The following ADGRG6 variants were observed in gnomAD, a reference collection of about 807,000 sequenced individuals.
ADGRG6 encodes G-protein coupled receptor 126.
ADGRG6 carries 84 observed loss-of-function variants against 142.4 expected under a neutral mutation model. The observed-to-expected ratio is 0.59, with a 90% CI of 0.49 to 0.71. The LOEUF (loss-of-function observed/expected upper bound fraction) is 0.71. Ranked by LOEUF, ADGRG6 falls within the 30% of genes least tolerant of loss-of-function variation. The pLI is 0.00. For synonymous variants in ADGRG6, 521 were observed against 520.5 expected (o/e 1.00, Z -0.01); for missense variants, 1,367 against 1,466.6 (o/e 0.93, Z 1.11).
At position 142,369,207 on chromosome 6, in the gene ADGRG6, CTATTA is replaced by C. The variant is rs373631224; in HGVS notation, c.446-957_446-953del. 3.2e-4 allele frequency among the ~76,000 whole-genome samples: 49 copies of C among 152,148 alleles called. No individual in the cohort carries two copies. In the South Asian group the frequency reaches 5.2e-3, roughly 16 times the overall value. On this transcript the variant is annotated intron_variant, in intron 3 of 24. Coordinates refer to ENST00000367609, the MANE Select transcript of ADGRG6 (RefSeq NM_198569.3). ...CTTTCTCAAATTAGTTTCACAATGG[CTATTA>C]TATTAGCATAGGGCTAAATCTGTTG...
chr6:142,380,347 A>G (rs912492321), intron 4 of ADGRG6, among the ~76,000 whole-genome samples: 3 of 152,090 alleles, frequency 2.0e-5, no homozygotes, highest in Admixed American at 2.0e-4. Context: ...GGAGGAGTCC[A>G]TTCAGATGGT....
In ADGRG6 at chr6:142,397,619, G is replaced by A. The variant is rs1240730891; in HGVS notation, c.1431G>A (p.Val477=). ...ATCCGAAATGTTTCCCTAGGTTGGT[G>A]CTTTGGGCCCTTCTAGTTTACAATG... is the stretch of plus-strand genomic sequence containing the variant. ...KRSLEDEPRL[V]LWALLVYNAT... The change falls in exon 10 of 25, where the codon GTG becomes GTA. Residue 477 remains valine, a synonymous_variant. Coordinates refer to ENST00000367609, the MANE Select transcript of ADGRG6 (RefSeq NM_198569.3). 5.6e-6 allele frequency: 9 copies of A among 1,608,494 alleles called. No homozygotes were observed.
intron 8 of ADGRG6, among the ~76,000 whole-genome samples, chr6:142,393,672 C>T (rs747369376): frequency 1.5e-4 from 23 of 152,216 alleles, no homozygotes; most frequent in East Asian, 5.8e-4. Context: ...TTTATCAGAA[C>T]GTCTCAGTTT....
intron 2 of ADGRG6, among the ~76,000 whole-genome samples, chr6:142,331,296 C>T (rs1779047455): frequency 6.6e-6 from 1 of 152,044 alleles, no homozygotes; most frequent in African/African-American, 2.4e-5. Context: ...CTTATGGCTC[C>T]TTTAAAGTGT....
intron 2 of ADGRG6, among the ~76,000 whole-genome samples, chr6:142,357,810 AC>A (rs1413037531): frequency 2.6e-5 from 4 of 152,220 alleles, no homozygotes; most frequent in African/African-American, 9.6e-5. Context: ...CCCTCTGGTG[AC>A]CATATGTAAA....
intron 2 of ADGRG6, among the ~76,000 whole-genome samples, chr6:142,340,661 T>C (rs572452076): frequency 6.6e-6 from 1 of 152,236 alleles, no homozygotes; most frequent in Non-Finnish European, 1.5e-5. Context: ...TGAAGTCCTT[T>C]GAATAGTACA....
intron 2 of ADGRG6, among the ~76,000 whole-genome samples, chr6:142,345,746 A>G (rs1779869086): frequency 6.6e-6 from 1 of 152,164 alleles, no homozygotes; most frequent in African/African-American, 2.4e-5. Context: ...AAGTATAACC[A>G]GTTGAAAAGG....
At chr6:142,352,979 AC>A (rs1780262587) in intron 2 of ADGRG6, among the ~76,000 whole-genome samples, 1 of 152,136 alleles carries the variant, frequency 6.6e-6, no homozygotes, top group Non-Finnish European at 1.5e-5. Flanking sequence ...CTCTCTCTCC[AC>A]CAAAAACAAA....
In ADGRG6 at chr6:142,443,210, A is replaced by G. The variant is rs531810502; in HGVS notation, c.3575-127A>G. ...TTTAGTGTTGCCTATTACCTAATAT[A>G]AGAAAGAATCGGAGCTTTATTTTCT... On this transcript the variant is annotated intron_variant, in intron 24 of 24. Coordinates refer to ENST00000367609, the MANE Select transcript of ADGRG6 (RefSeq NM_198569.3). 50 of 601,506 alleles carry G rather than the reference A, an allele frequency of 8.3e-5. No homozygotes were observed. In the East Asian group the frequency reaches 1.4e-3, roughly 17 times the overall value. 37.3% of individuals were successfully genotyped at this position (601,506 alleles called of 1,614,324 possible).
intron 6 of ADGRG6, among the ~76,000 whole-genome samples, chr6:142,384,684 A>C (rs558168577): frequency 2.6e-5 from 4 of 152,308 alleles, no homozygotes; most frequent in South Asian, 4.1e-4. Context: ...GGAATTTTCT[A>C]AACTCCAGTC....
chr6:142,373,664 T>A (rs758848660), intron 4 of ADGRG6, among the ~76,000 whole-genome samples: 1 of 152,234 alleles, frequency 6.6e-6, no homozygotes, highest in East Asian at 1.9e-4. Context: ...TCAGCTCTCC[T>A]GAGTAGGTAG....
chr6:142,368,843 G>A (rs67116010), intron 3 of ADGRG6, among the ~76,000 whole-genome samples: 3,587 of 152,060 alleles, frequency 0.024, 62 homozygotes, highest in Non-Finnish European at 0.035. Context: ...AACAAAAAAA[G>A]CAAATTAGAA....
At chr6:142,344,026 C>T (rs1403445223) in intron 2 of ADGRG6, among the ~76,000 whole-genome samples, 2 of 151,924 alleles carry the variant, frequency 1.3e-5, no homozygotes, top group Non-Finnish European at 2.9e-5. Context: ...ACAACAGTTA[C>T]AGTTCCTACT....
chr6:142,315,936 C>T (rs932724042), intron 2 of ADGRG6, among the ~76,000 whole-genome samples: 5 of 152,044 alleles, frequency 3.3e-5, no homozygotes, highest in African/African-American at 1.2e-4. Context: ...TAACCATCTC[C>T]TGTGAAAAAA....
At position 142,400,515 on chromosome 6, in the gene ADGRG6, GCTA is replaced by G; in HGVS notation, c.1604_1606del (p.Tyr535del). The stretch of plus-strand genomic sequence containing the variant: ...TGTCTTGCCATGGAGGAACCCAAAG[GCTA>G]CTACTGGCCATCTATCCAACCTTCT... On this transcript the variant is annotated inframe_deletion, in exon 11 of 25. Transcript: ENST00000367609. 1 of 1,594,624 alleles carries G rather than the reference GCTA, an allele frequency of 6.3e-7. No individual in the cohort carries two copies. The highest frequency in any genetic ancestry group is 8.6e-7 in the Non-Finnish European group (1 of 1,162,876).
At position 142,364,478 on chromosome 6, in the gene ADGRG6, T is replaced by C. The variant is rs115936608; in HGVS notation, c.104-3091T>C. On this transcript the variant is annotated intron_variant, in intron 2 of 24. Transcript: ENST00000367609. The stretch of plus-strand genomic sequence containing the variant: ...GTGTGCTATTTTACCTCTCTTAAAA[T>C]TTTAAGGCACTAATTTTGTGTTATA... 8.4e-3 allele frequency among the ~76,000 whole-genome samples: 1,283 copies of C among 152,302 alleles called. 16 individuals are homozygous for C. Among genetic ancestry groups the C allele is most frequent in the African/African-American group, 0.029 (1,210 of 41,572 alleles).
At chr6:142,327,266 A>AT (rs1467780311) in intron 2 of ADGRG6, among the ~76,000 whole-genome samples, 1 of 151,922 alleles carries the variant, frequency 6.6e-6, no homozygotes, top group Non-Finnish European at 1.5e-5. Flanking sequence ...AGAGGAATTC[A>AT]TTAAAAAAAA....
At chr6:142,404,609 C>T (rs773210371) in intron 14 of ADGRG6, among the ~76,000 whole-genome samples, 3 of 152,000 alleles carry the variant, frequency 2.0e-5, no homozygotes, top group South Asian at 2.1e-4. Flanking sequence ...ATGCCACTTC[C>T]CTCCAGCCTG....
intron 1 of ADGRG6, among the ~76,000 whole-genome samples, chr6:142,305,562 T>C (rs9376683): frequency 0.11 from 16,276 of 152,150 alleles, 1,711 homozygotes; most frequent in East Asian, 0.62. Context: ...TTTCTAACTT[T>C]AAATATAGTT....
Sources: allele counts gnomAD v4.1 joint callset (sites outside exome capture counted in the v4.1 genomes callset), GRCh38; gene constraint gnomAD v4.1.1; transcripts MANE v1.5; gene names NCBI Gene and HGNC (gene_info 2026-07-23, HGNC 2026-07-21).